The following UBAP2 variants were observed in gnomAD, a reference collection of about 807,000 sequenced individuals.
UBAP2 encodes the protein ubiquitin associated protein 2.
A neutral mutation model predicts 139.6 loss-of-function variants in UBAP2; 75 were observed. That is an observed-to-expected ratio of 0.54 (90% CI 0.45 to 0.65). UBAP2 has a LOEUF of 0.65. UBAP2 is among the 30% of genes least tolerant of loss of function. The pLI is 0.00. For missense variants in UBAP2, 1,368 were observed against 1,369.6 expected, an observed-to-expected ratio of 1.00 and a Z score of 0.02; for synonymous variants, 526 against 526.2, an observed-to-expected ratio of 1.00 and a Z score of 0.01.
intron 2 of UBAP2, among the ~76,000 whole-genome samples, chr9:34,006,341 T>A (rs1823215491): frequency 6.6e-6 from 1 of 151,340 alleles, no homozygotes; most frequent in African/African-American, 2.4e-5. Flanking sequence ...GAAATTAGAA[T>A]ATCAACAAAC....
At chr9:34,045,256 A>G (rs936410971) in intron 1 of UBAP2, among the ~76,000 whole-genome samples, 1 of 151,816 alleles carries the variant, frequency 6.6e-6, no homozygotes, top group African/African-American at 2.4e-5. Flanking sequence ...TGAGGCAGGA[A>G]AATGGCATGA....
At chr9:34,002,855 ATGTTT>A (rs1302614496) in intron 2 of UBAP2, among the ~76,000 whole-genome samples, 1 of 151,630 alleles carries the variant, frequency 6.6e-6, no homozygotes, top group African/African-American at 2.4e-5. Context: ...CACCTGGTTA[ATGTTT>A]TGTTTTTAGT....
rs368021223 is a variant in UBAP2, at chr9:33,962,680, A to ATAAATAAATAAT, written c.745+1045_745+1046insATTATTTATTTA. Among the ~76,000 whole-genome samples the ATAAATAAATAAT allele has an allele frequency of 9.0e-3, 1,307 of 145,532 alleles. 13 individuals are homozygous for ATAAATAAATAAT. The highest frequency in any genetic ancestry group is 0.03 in the African/African-American group (1,170 of 39,194). ...AATAAATAAATAAATAAATAAATAA[A>ATAAATAAATAAT]TAATTAAAAAATAGGGCCTGGAGCA... On this transcript the variant is annotated intron_variant, in intron 9 of 28. Transcript: ENST00000379238.
intron 10 of UBAP2, among the ~76,000 whole-genome samples, chr9:33,960,515 C>G (rs1826959075): frequency 6.6e-6 from 1 of 152,064 alleles, no homozygotes; most frequent in African/African-American, 2.4e-5. Flanking sequence ...GTGTCTCACG[C>G]CTATAATCCC....
chr9:34,002,440 C>T (rs1375986500), intron 2 of UBAP2, among the ~76,000 whole-genome samples: 2 of 146,146 alleles, frequency 1.4e-5, no homozygotes, highest in African/African-American at 5.1e-5. Flanking sequence ...GTGCATGGCG[C>T]GATATCGGCT....
At chr9:33,941,611 C>A in intron 16 of UBAP2, 38 bp downstream of exon 16, 1 of 1,521,968 alleles carries the variant, frequency 6.6e-7, no homozygotes. Flanking sequence ...CCAAATAAGA[C>A]GGACATCTTC....
chr9:33,968,141 C>G (rs902326772), intron 8 of UBAP2: 1 of 569,162 alleles, frequency 1.8e-6, no homozygotes, highest in South Asian at 1.4e-5. Flanking sequence ...CAACAGGACA[C>G]AGACAAATCC....
At chr9:34,039,847 T>TAAAAAAAAAAAAAA (rs74180526) in intron 1 of UBAP2, among the ~76,000 whole-genome samples, 4 of 84,412 alleles carry the variant, frequency 4.7e-5, no homozygotes, top group Non-Finnish European at 4.4e-5. Context: ...CAATAAATAC[T>TAAAAAAAAAAAAAA]AAAAAAAAAA....
chr9:33,956,201 C>G (rs944855533), intron 10 of UBAP2, 55 bp from the exon 11 acceptor site: 1 of 1,288,834 alleles, frequency 7.8e-7, no homozygotes, highest in African/African-American at 1.5e-5. Flanking sequence ...AAACCCAAAA[C>G]ACTGACTTCC....
In UBAP2 at chr9:33,927,943, G is replaced by C. The variant is rs147512879; in HGVS notation, c.2225C>G (p.Ser742Cys). ...ASSHQSSATF[S>C]TAATSVSSSA... ...ACTTGAGACGGAGGTCGCTGCCGTG[G>C]AGAAGGTGGCTGAGGACTGGTGGGA... is the stretch of plus-strand genomic sequence containing the variant. The change falls in exon 20 of 29, where the codon TCC becomes TGC. Residue 742 changes from serine (S) to cysteine (C), a missense_variant. Physicochemically the swap from Ser to Cys is moderately radical, Grantham distance 112 (BLOSUM62 -1). Transcript: ENST00000379238. 3.7e-6 allele frequency: 6 copies of C among 1,614,060 alleles called. No homozygotes were observed. The highest frequency in any genetic ancestry group is 5.1e-6 in the Non-Finnish European group (6 of 1,180,026).
chr9:33,998,879 C>G lies in UBAP2; in HGVS notation c.100-15G>C. On this transcript the variant is annotated splice_polypyrimidine_tract_variant and intron_variant, in intron 2 of 28. Coordinates refer to ENST00000379238, the MANE Select transcript of UBAP2 (RefSeq NM_001370062.2). ...TCAGCTGTTGCCTGGAAAGTACATA[C>G]AATTGTTAAGGATTTGAACACCAAA... The G allele has an allele frequency of 6.2e-7, 1 of 1,605,518 alleles. No individual in the cohort carries two copies. Among genetic ancestry groups the G allele is most frequent in the Non-Finnish European group, 8.5e-7 (1 of 1,177,904 alleles).
At chr9:33,956,018 T>TG (rs2130988041) in intron 11 of UBAP2, 61 bp downstream of exon 11, 2 of 1,356,712 alleles carry the variant, frequency 1.5e-6, no homozygotes, top group South Asian at 2.7e-5. Context: ...ATACTTTTCC[T>TG]GAGGCAAAAG....
rs550038638 is a variant in UBAP2 at position 33,924,440 on chromosome 9, C to T, written c.2512-156G>A. Among the ~76,000 whole-genome samples, 5 of 152,304 alleles carry T rather than the reference C, an allele frequency of 3.3e-5. No homozygotes were observed. In the South Asian group the frequency reaches 8.3e-4, roughly 25 times the overall value. ...GGAACGCCAAGTAAATGGTGCCCCTCGGAAGAGTGTGCAACTAGGCGGCCT... is the reference window on the plus strand; with the variant it reads ...GGAACGCCAAGTAAATGGTGCCCCTTGGAAGAGTGTGCAACTAGGCGGCCT... On this transcript the variant is annotated intron_variant, in intron 22 of 28. Transcript: ENST00000379238.
intron 16 of UBAP2, chr9:33,938,877 T>C (rs1587527255): frequency 2.2e-6 from 1 of 455,184 alleles, no homozygotes; most frequent in East Asian, 7.0e-5. Context: ...TCTGTCAGGA[T>C]ATAGACTCTA....
chr9:34,023,349 A>T (rs995936764), intron 1 of UBAP2, among the ~76,000 whole-genome samples: 1 of 152,232 alleles, frequency 6.6e-6, no homozygotes, highest in Non-Finnish European at 1.5e-5. Context: ...TATTCAATGT[A>T]CATTAATTTT....
intron 16 of UBAP2, among the ~76,000 whole-genome samples, chr9:33,940,773 T>G (rs1448571013): frequency 6.6e-6 from 1 of 152,180 alleles, no homozygotes. Flanking sequence ...AGCAAGAACC[T>G]GTACTCCCCC....
rs11788269 is a variant in UBAP2, at chr9:33,956,352, G to A, written c.799-206C>T. On this transcript the variant is annotated intron_variant, in intron 10 of 28. Coordinates refer to ENST00000379238, the MANE Select transcript of UBAP2 (RefSeq NM_001370062.2). The stretch of plus-strand genomic sequence containing the variant: ...TTTTTTTTTTGAGACAGGGTCTGGC[G>A]CTGTTGCCCAGGAAGGAGTGCAGTG... 2.7e-5 allele frequency among the ~76,000 whole-genome samples: 4 copies of A among 147,920 alleles called. No homozygotes were observed. The South Asian group carries it at 6.4e-4, about 24-fold the overall frequency.
intron 1 of UBAP2, among the ~76,000 whole-genome samples, chr9:34,039,847 T>TAAAAAAAAAAAAAAA (rs74180526): frequency 1.4e-4 from 12 of 84,406 alleles, no homozygotes; most frequent in East Asian, 4.0e-4. Flanking sequence ...CAATAAATAC[T>TAAAAAAAAAAAAAAA]AAAAAAAAAA....
intron 1 of UBAP2, among the ~76,000 whole-genome samples, chr9:34,028,107 A>G (rs1016192005): frequency 2.6e-5 from 4 of 151,836 alleles, no homozygotes; most frequent in South Asian, 2.1e-4. Flanking sequence ...CAGCTGATGG[A>G]CAAGGTTGAA....
Sources: gnomAD v4.1 joint callset for allele counts (sites outside exome capture counted in the v4.1 genomes callset) on GRCh38, gnomAD v4.1.1 for gene constraint, MANE v1.5 for transcripts, NCBI Gene and HGNC (gene_info 2026-07-23, HGNC 2026-07-21) for gene names.